The following IL1RAPL2 variants were observed in gnomAD, a reference collection of about 807,000 sequenced individuals.
IL1RAPL2 encodes interleukin 1 receptor accessory protein like 2.
Under a neutral mutation model 44.1 loss-of-function variants are expected in IL1RAPL2, and 3 were observed. The observed-to-expected ratio is 0.07, with a 90% CI of 0.03 to 0.18. The LOEUF (loss-of-function observed/expected upper bound fraction) is 0.18. Among genes scored for constraint, IL1RAPL2 ranks in the 10% least tolerant of loss-of-function variants. The pLI is 1.00. For missense variants in IL1RAPL2, 391 were observed against 496.4 expected (o/e 0.79, Z 2.02); for synonymous variants, 181 against 178.8 (o/e 1.01, Z -0.10).
At chrX:104,591,759 T>G (rs757453230) in intron 1 of IL1RAPL2, among the ~76,000 whole-genome samples, 1 of 110,365 alleles carries the variant, frequency 9.1e-6, no homozygotes, top group Non-Finnish European at 1.9e-5. Context: ...TGCATGAAGG[T>G]CAGATAACAC....
At position 104,893,635 on chromosome X, in the gene IL1RAPL2, G is replaced by C. The variant is rs188279019; in HGVS notation, c.82+234640G>C. On this transcript the variant is annotated intron_variant, in intron 2 of 10. Coordinates refer to ENST00000372582, the MANE Select transcript of IL1RAPL2 (RefSeq NM_017416.2). ...CCCTGCCTTTTTTTGTTTTCCATTT[G>C]CTTGGTAGATCTTCCTCCATCCCTT... Among the ~76,000 whole-genome samples, 21 of 110,918 alleles carry C rather than the reference G, an allele frequency of 1.9e-4. No homozygotes were observed. In the East Asian group the frequency reaches 5.7e-3, roughly 30 times the overall value.
chrX:104,859,530 T>C (rs1178734168), intron 2 of IL1RAPL2, among the ~76,000 whole-genome samples: 1 of 111,823 alleles, frequency 8.9e-6, no homozygotes. Context: ...GATTTTTGTG[T>C]ATCCAATGTG....
At chrX:104,847,115 T>C (rs1026104032) in intron 2 of IL1RAPL2, among the ~76,000 whole-genome samples, 19 of 112,051 alleles carry the variant, frequency 1.7e-4, no homozygotes, top group Non-Finnish European at 3.2e-4. Flanking sequence ...ATGAGTATAT[T>C]GCAAAAATTT....
intron 1 of IL1RAPL2, chrX:104,647,780 A>G: frequency 1.9e-6 from 1 of 536,173 alleles, no homozygotes; most frequent in South Asian, 2.4e-5. Flanking sequence ...TGGTACATTA[A>G]GTGGTCGAGA....
intron 5 of IL1RAPL2, among the ~76,000 whole-genome samples, chrX:105,460,413 C>A (rs1204077415): frequency 3.6e-5 from 4 of 110,380 alleles, no homozygotes; most frequent in African/African-American, 1.3e-4. Flanking sequence ...TTCCTTCTCC[C>A]CATTCTTTTC....
At chrX:104,630,994 A>G (rs1369700906) in intron 1 of IL1RAPL2, among the ~76,000 whole-genome samples, 2 of 108,934 alleles carry the variant, frequency 1.8e-5, no homozygotes, top group African/African-American at 6.7e-5. Context: ...CCCCCCTCCC[A>G]CACCCCACAA....
intron 1 of IL1RAPL2, among the ~76,000 whole-genome samples, chrX:104,576,295 G>C (rs761487984): frequency 9.9e-5 from 11 of 111,333 alleles, no homozygotes; most frequent in Non-Finnish European, 1.9e-4. Flanking sequence ...TGACACAAAA[G>C]TATGTATACT....
intron 3 of IL1RAPL2, among the ~76,000 whole-genome samples, chrX:105,229,516 TGG>T (rs1311695936): frequency 8.9e-6 from 1 of 112,431 alleles, no homozygotes; most frequent in Non-Finnish European, 1.9e-5. Flanking sequence ...GTATACATAC[TGG>T]GCCCTGGCTT....
chrX:104,726,773 GA>G (rs1315935821), intron 2 of IL1RAPL2, among the ~76,000 whole-genome samples: 1 of 110,778 alleles, frequency 9.0e-6, no homozygotes, highest in Non-Finnish European at 1.9e-5. Context: ...AGCTTAAGGA[GA>G]TTTTTATACC....
At chrX:104,699,338 G>A (rs1931234581) in intron 2 of IL1RAPL2, among the ~76,000 whole-genome samples, 1 of 111,780 alleles carries the variant, frequency 8.9e-6, no homozygotes, top group Admixed American at 9.5e-5. Flanking sequence ...GGTCCCATCT[G>A]GGGGTGATGG....
In IL1RAPL2 at chrX:105,630,403, G is replaced by T. The variant is rs2037483377; in HGVS notation, c.773-86964G>T. On this transcript the variant is annotated intron_variant, in intron 6 of 10. Transcript: ENST00000372582. ...CATTCAATTTTATAGATGCAGAAGTGAGGCTCCAACATGGCAAAGAGTTTA... is the reference window on the plus strand; with the variant it reads ...CATTCAATTTTATAGATGCAGAAGTTAGGCTCCAACATGGCAAAGAGTTTA... 2.7e-5 allele frequency among the ~76,000 whole-genome samples: 3 copies of T among 111,040 alleles called. No homozygotes were observed. The Admixed American group carries it at 2.9e-4, about 11-fold the overall frequency.
chrX:105,229,808 G>GT (rs1221196414), intron 3 of IL1RAPL2, among the ~76,000 whole-genome samples: 1 of 110,916 alleles, frequency 9.0e-6, no homozygotes, highest in Non-Finnish European at 1.9e-5. Flanking sequence ...TTGTTTGTTT[G>GT]TTTTTTTGAG....
chrX:105,456,489 G>A (rs1350926041), intron 5 of IL1RAPL2, among the ~76,000 whole-genome samples: 1 of 111,323 alleles, frequency 9.0e-6, no homozygotes, highest in Non-Finnish European at 1.9e-5. Flanking sequence ...TTTGAGGTAT[G>A]TTCCCTTAAT....
At chrX:104,727,321 G>T (rs1417340550) in intron 2 of IL1RAPL2, among the ~76,000 whole-genome samples, 2 of 110,587 alleles carry the variant, frequency 1.8e-5, no homozygotes, top group African/African-American at 6.6e-5. Flanking sequence ...TGGCCAACAA[G>T]CATATGAAAA....
intron 2 of IL1RAPL2, among the ~76,000 whole-genome samples, chrX:104,706,746 T>G (rs928623964): frequency 3.6e-5 from 4 of 111,966 alleles, no homozygotes; most frequent in Admixed American, 9.5e-5. Context: ...GAAATGCACA[T>G]GCCCTGCTGG....
chrX:105,384,694 T>A (rs1229076589), intron 5 of IL1RAPL2, among the ~76,000 whole-genome samples: 1 of 111,180 alleles, frequency 9.0e-6, no homozygotes, highest in Non-Finnish European at 1.9e-5. Flanking sequence ...GTAGACTGCT[T>A]TGGGTAGTAT....
At chrX:105,083,582 C>T (rs1416473986) in intron 2 of IL1RAPL2, among the ~76,000 whole-genome samples, 2 of 111,460 alleles carry the variant, frequency 1.8e-5, no homozygotes, top group African/African-American at 6.5e-5. Flanking sequence ...GGTTGGATTA[C>T]CCACAAAGGT....
chrX:105,631,074 T>G (rs766058158), intron 6 of IL1RAPL2, among the ~76,000 whole-genome samples: 1 of 111,459 alleles, frequency 9.0e-6, no homozygotes, highest in East Asian at 2.8e-4. Context: ...TGGGGTAGAA[T>G]TCCTTAAAGA....
At chrX:105,231,828 G>A (rs2034074166) in intron 3 of IL1RAPL2, among the ~76,000 whole-genome samples, 2 of 111,883 alleles carry the variant, frequency 1.8e-5, no homozygotes, top group Admixed American at 1.9e-4. Flanking sequence ...CAAGCAAGGA[G>A]ACTTGGAAAT....
Sources: allele counts gnomAD v4.1 joint callset (sites outside exome capture counted in the v4.1 genomes callset), GRCh38; gene constraint gnomAD v4.1.1; transcripts MANE v1.5; gene names NCBI Gene and HGNC (gene_info 2026-07-23, HGNC 2026-07-21).